The following KHDRBS2 variants were observed in gnomAD, a reference collection of about 807,000 sequenced individuals.
The protein encoded by KHDRBS2 is KH RNA binding domain containing, signal transduction associated 2, also known as KH domain-containing, RNA-binding, signal transduction-associated protein 2.
Under a neutral mutation model 44.3 loss-of-function variants are expected in KHDRBS2, and 26 were observed. That is an observed-to-expected ratio of 0.59 (90% CI 0.43 to 0.81). The LOEUF (loss-of-function observed/expected upper bound fraction) is 0.81, where lower values mean the gene tolerates loss of function less well. KHDRBS2 is among the 40% of genes least tolerant of loss of function. The probability of loss-of-function intolerance (pLI) is 0.00; values close to 1 mark genes in which losing one functional copy is unlikely to be tolerated. For synonymous variants in KHDRBS2, 194 were observed against 151.1 expected, an observed-to-expected ratio of 1.28 and a Z score of -2.08; for missense variants, 476 against 433.1, an observed-to-expected ratio of 1.10 and a Z score of -0.88.
intron 3 of KHDRBS2, among the ~76,000 whole-genome samples, chr6:61,979,299 G>T (rs1048369520): frequency 2.0e-5 from 3 of 151,992 alleles, no homozygotes; most frequent in African/African-American, 7.2e-5. Context: ...CATTAATTAT[G>T]TTTTATCTTT....
intron 2 of KHDRBS2, among the ~76,000 whole-genome samples, chr6:62,159,233 T>C (rs1817100923): frequency 6.6e-6 from 1 of 152,180 alleles, no homozygotes; most frequent in Admixed American, 6.5e-5. Context: ...ACCTTTTAAC[T>C]TCATTTTAAC....
chr6:61,653,114 A>C, the KHDRBS2 span, among the ~76,000 whole-genome samples: 2 of 152,104 alleles, frequency 1.3e-5, no homozygotes, highest in Non-Finnish European at 2.9e-5. Flanking sequence ...GGAGTCAGTG[A>C]GAATATATTT....
chr6:61,733,784 G>A (rs73474527), intron 6 of KHDRBS2, among the ~76,000 whole-genome samples: 4,299 of 152,158 alleles, frequency 0.028, 219 homozygotes, highest in African/African-American at 0.099. Flanking sequence ...CACTCTGAAT[G>A]ATTTAGTTTT....
chr6:62,134,290 C>T (rs1247432386), intron 2 of KHDRBS2, among the ~76,000 whole-genome samples: 4 of 152,112 alleles, frequency 2.6e-5, no homozygotes, highest in Non-Finnish European at 5.9e-5. Flanking sequence ...TGGACCGTGG[C>T]TTCAGAGGGT....
intron 4 of KHDRBS2, among the ~76,000 whole-genome samples, chr6:61,945,876 GA>G (rs5876762): frequency 0.34 from 52,071 of 151,844 alleles, 9,096 homozygotes; most frequent in Middle Eastern, 0.41. Context: ...TTCCCACTTA[GA>G]AAAAAACACT....
chr6:61,866,186 A>G (rs945895811), intron 6 of KHDRBS2, among the ~76,000 whole-genome samples: 1 of 152,216 alleles, frequency 6.6e-6, no homozygotes, highest in Non-Finnish European at 1.5e-5. Flanking sequence ...CTGCCTTAGC[A>G]GAGGTTCTCA....
intron 2 of KHDRBS2, among the ~76,000 whole-genome samples, chr6:62,102,785 T>C (rs1176573411): frequency 6.6e-6 from 1 of 152,154 alleles, no homozygotes; most frequent in Non-Finnish European, 1.5e-5. Context: ...TCCTGCAATC[T>C]GGGAGTGTGT....
At chr6:61,817,883 A>G (rs533830086) in intron 6 of KHDRBS2, among the ~76,000 whole-genome samples, 3 of 152,194 alleles carry the variant, frequency 2.0e-5, no homozygotes, top group African/African-American at 7.2e-5. Context: ...AAGTGTTGAA[A>G]CATTGGTGAC....
chr6:62,094,319 G>C (rs1459721795), intron 2 of KHDRBS2, among the ~76,000 whole-genome samples: 2 of 151,634 alleles, frequency 1.3e-5, no homozygotes, highest in South Asian at 4.2e-4. Flanking sequence ...TATGTCTCCT[G>C]TTCATTTGTA....
the KHDRBS2 span, among the ~76,000 whole-genome samples, chr6:61,653,345 T>G: frequency 3.3e-5 from 5 of 152,104 alleles, no homozygotes; most frequent in East Asian, 9.7e-4. Context: ...ACTAGGCATC[T>G]TCTGAAATAA....
chr6:61,597,759 CATATATATATA>C, the KHDRBS2 span, among the ~76,000 whole-genome samples: 2 of 50,116 alleles, frequency 4.0e-5, 1 homozygote, highest in Non-Finnish European at 7.9e-5. Context: ...TATATATATA[CATATATATATA>C]TATACACCAA....
chr6:62,253,705 T>C (rs1836918843), intron 1 of KHDRBS2, among the ~76,000 whole-genome samples: 1 of 152,008 alleles, frequency 6.6e-6, no homozygotes. Context: ...ACTGTAATAA[T>C]TATTACAATA....
chr6:61,744,898 G>A (rs1254406755), intron 6 of KHDRBS2, among the ~76,000 whole-genome samples: 2 of 152,124 alleles, frequency 1.3e-5, no homozygotes, highest in Non-Finnish European at 2.9e-5. Flanking sequence ...AGTTCCTACA[G>A]AATATTAACA....
the KHDRBS2 span, among the ~76,000 whole-genome samples, chr6:61,637,879 G>T: frequency 1.8e-4 from 27 of 151,910 alleles, no homozygotes; most frequent in Admixed American, 8.5e-4. Flanking sequence ...TTTGATGGGG[G>T]TGTTTGTTTT....
the KHDRBS2 span, among the ~76,000 whole-genome samples, chr6:61,646,084 G>T: frequency 1.3e-5 from 2 of 152,066 alleles, no homozygotes; most frequent in East Asian, 3.9e-4. Context: ...TATTCATAAG[G>T]TTTTAAAGGA....
At chr6:61,620,259 C>A in the KHDRBS2 span, among the ~76,000 whole-genome samples, 1 of 151,770 alleles carries the variant, frequency 6.6e-6, no homozygotes, top group African/African-American at 2.4e-5. Flanking sequence ...AAAAAAAATT[C>A]TTAATCTACC....
At chr6:61,995,981 T>C (rs1562605634) in intron 3 of KHDRBS2, among the ~76,000 whole-genome samples, 1 of 152,126 alleles carries the variant, frequency 6.6e-6, no homozygotes, top group Non-Finnish European at 1.5e-5. Flanking sequence ...CAATGCATGC[T>C]AGCTTGAGAA....
the KHDRBS2 span, among the ~76,000 whole-genome samples, chr6:61,623,272 A>G: frequency 7.2e-5 from 11 of 152,296 alleles, no homozygotes; most frequent in Admixed American, 4.6e-4. Flanking sequence ...TGCTGTAACA[A>G]TGCAGCAAGA....
intron 2 of KHDRBS2, among the ~76,000 whole-genome samples, chr6:62,057,970 C>G (rs1484176481): frequency 2.6e-5 from 4 of 151,810 alleles, no homozygotes; most frequent in Non-Finnish European, 4.4e-5. Context: ...ACATAGTTTA[C>G]CCAACAACAG....
Sources: allele counts gnomAD v4.1 joint callset (sites outside exome capture counted in the v4.1 genomes callset), GRCh38; gene constraint gnomAD v4.1.1; transcripts MANE v1.5; gene names NCBI Gene and HGNC (gene_info 2026-07-23, HGNC 2026-07-21).